Variants in DSTYK observed in about 807,000 individuals in gnomAD.
DSTYK encodes the protein RIP-homologous kinase.
DSTYK carries 34 observed loss-of-function variants against 98.7 expected under a neutral mutation model. The ratio of observed to expected loss-of-function variants is 0.34; its 90% CI spans 0.26 to 0.46. The LOEUF is 0.46. Ranked by LOEUF, DSTYK falls within the 20% of genes least tolerant of loss-of-function variation. DSTYK has a pLI of 1.00. For missense variants in DSTYK, 962 were observed against 1,181.7 expected, an observed-to-expected ratio of 0.81 and a Z score of 2.73; for synonymous variants, 462 against 457.3, an observed-to-expected ratio of 1.01 and a Z score of -0.13.
Position 205,211,344 on chromosome 1 carries a change from G to A in DSTYK, c.192C>T (p.Leu64=), listed in dbSNP as rs199765037. The part of the protein sequence containing the change: ...DIKCSHNHTC[L]SSLTGGGGAE... ...CCCCGCCGCCGCCCGTGAGGGAGGA[G>A]AGACAAGTGTGGTTGTGGGAGCACT... The change falls in exon 1 of 13, where the codon CTC becomes CTT. Residue 64 remains leucine (L), a synonymous_variant. Transcript: ENST00000367162. The A allele has an allele frequency of 4.7e-5, 75 of 1,612,058 alleles. No homozygotes were observed. In the East Asian group the frequency reaches 1.4e-3, roughly 29 times the overall value.
chr1:205,171,549 T>C (rs1170582608), intron 2 of DSTYK, among the ~76,000 whole-genome samples: 1 of 152,058 alleles, frequency 6.6e-6, no homozygotes, highest in African/African-American at 2.4e-5. Flanking sequence ...CCACTTTGTG[T>C]TCTGCTTCTT....
intron 3 of DSTYK, among the ~76,000 whole-genome samples, chr1:205,166,208 G>T (rs1445226887): frequency 2.0e-5 from 3 of 152,126 alleles, no homozygotes; most frequent in Non-Finnish European, 4.4e-5. Flanking sequence ...ATATGGAGAA[G>T]AACTGGGTGG....
At chr1:205,168,782 C>G (rs946822378) in intron 3 of DSTYK, among the ~76,000 whole-genome samples, 2 of 152,252 alleles carry the variant, frequency 1.3e-5, no homozygotes, top group African/African-American at 4.8e-5. Context: ...CAAAAAGAAC[C>G]AATAAAGAGG....
At chr1:205,166,412 G>T (rs997438193) in intron 3 of DSTYK, among the ~76,000 whole-genome samples, 1 of 151,822 alleles carries the variant, frequency 6.6e-6, no homozygotes, top group African/African-American at 2.4e-5. Flanking sequence ...AGCACTTTGT[G>T]GGGGCTGAAG....
In DSTYK at chr1:205,192,659, C is replaced by T. The variant is rs189379313; in HGVS notation, c.266-4853G>A. ...GGTGGATCACCTGAGGTCAGGAGTT[C>T]GAGACCAGCCTAGCCAATATGGTGA... On this transcript the variant is annotated intron_variant, in intron 1 of 12. Transcript: ENST00000367162. Among the ~76,000 whole-genome samples the T allele has an allele frequency of 1.4e-3, 217 of 152,132 alleles. 3 individuals carry two copies. In the East Asian group the frequency reaches 0.015, roughly 10 times the overall value.
intron 1 of DSTYK, among the ~76,000 whole-genome samples, chr1:205,193,809 T>C (rs1658781496): frequency 6.7e-6 from 1 of 149,396 alleles, no homozygotes; most frequent in Non-Finnish European, 1.5e-5. Flanking sequence ...AGGTAGGGGC[T>C]GCAGTGAGCC....
chr1:205,157,171 G>A (rs1657587158), intron 10 of DSTYK, 102 bp downstream of exon 10: 1 of 922,790 alleles, frequency 1.1e-6, no homozygotes, highest in African/African-American at 1.6e-5. Flanking sequence ...TACACTTTCT[G>A]TGAGGACTTT....
chr1:205,210,326 T>C (rs945285855), intron 1 of DSTYK, among the ~76,000 whole-genome samples: 2 of 152,172 alleles, frequency 1.3e-5, no homozygotes, highest in African/African-American at 4.8e-5. Flanking sequence ...GTGAGTTTAA[T>C]ACACACTTTA....
At chr1:205,201,303 G>C (rs1278424655) in intron 1 of DSTYK, among the ~76,000 whole-genome samples, 3 of 148,062 alleles carry the variant, frequency 2.0e-5, no homozygotes, top group Non-Finnish European at 3.0e-5. Context: ...TCCATGATGT[G>C]TTTATTTCAC....
chr1:205,211,216 T>C, intron 1 of DSTYK, 55 bp downstream of exon 1: 1 of 1,529,960 alleles, frequency 6.5e-7, no homozygotes, highest in Non-Finnish European at 8.7e-7. Flanking sequence ...AGGGGTGCGG[T>C]CCGTCCTCCG....
At chr1:205,187,953 A>T in intron 1 of DSTYK, 147 bp from the exon 2 acceptor site, 1 of 773,472 alleles carries the variant, frequency 1.3e-6, no homozygotes, top group South Asian at 2.0e-5. Context: ...TGAAGGACAT[A>T]TCAGGGAAAA....
At chr1:205,210,526 TAAAGA>T (rs1659340346) in intron 1 of DSTYK, among the ~76,000 whole-genome samples, 1 of 152,166 alleles carries the variant, frequency 6.6e-6, no homozygotes, top group South Asian at 2.1e-4. Flanking sequence ...TAGGAAAGAT[TAAAGA>T]CTGCACGATT....
intron 2 of DSTYK, among the ~76,000 whole-genome samples, chr1:205,184,660 C>T (rs1161928682): frequency 6.6e-6 from 1 of 152,024 alleles, no homozygotes; most frequent in South Asian, 2.1e-4. Flanking sequence ...CATTCTATTG[C>T]CCAAGTGTTG....
intron 2 of DSTYK, among the ~76,000 whole-genome samples, chr1:205,178,247 A>C (rs1263601312): frequency 6.6e-6 from 1 of 152,066 alleles, no homozygotes. Context: ...GAGCATGAAG[A>C]CTTTAAGGAT....
Position 205,161,324 on chromosome 1 carries a change from C to A in DSTYK, c.1882G>T (p.Asp628Tyr). Residue 628 changes from aspartate (D) to tyrosine (Y), a missense_variant, in exon 7 of 13, where the codon GAT becomes TAT. Asp to Tyr is a radical substitution (Grantham distance 160). Coordinates refer to ENST00000367162, the MANE Select transcript of DSTYK (RefSeq NM_015375.3). ...TEDLWLRVRK[D>Y]HAPRLARLSL... is the part of the protein sequence containing the mutation. ...AGGCGGGCCAGGCGGGGAGCATGAT[C>A]TTTCCGAACCCTCAGCCATAGATCT... is the stretch of plus-strand genomic sequence containing the variant. 6.2e-7 allele frequency: 1 copy of A among 1,614,214 alleles called. No individual in the cohort carries two copies. The highest frequency in any genetic ancestry group is 8.5e-7 in the Non-Finnish European group (1 of 1,180,020).
intron 2 of DSTYK, among the ~76,000 whole-genome samples, chr1:205,186,585 G>A (rs1348380642): frequency 6.6e-6 from 1 of 152,116 alleles, no homozygotes; most frequent in Non-Finnish European, 1.5e-5. Flanking sequence ...AGTTAACCAA[G>A]AGCAAAACTC....
chr1:205,159,053 T>C lies in DSTYK; in HGVS notation c.2238+494A>G, dbSNP rs538683083. Among the ~76,000 whole-genome samples, 4 of 152,234 alleles carry C rather than the reference T, an allele frequency of 2.6e-5. No individual in the cohort carries two copies. In the South Asian group the frequency reaches 8.3e-4, roughly 32 times the overall value. On this transcript the variant is annotated intron_variant, in intron 9 of 12. Coordinates refer to ENST00000367162, the MANE Select transcript of DSTYK (RefSeq NM_015375.3). ...TGATGACAGTATTCTGGGCATATAA[T>C]GGGGTGAAAATAGGTTCTGATAAAT...
intron 1 of DSTYK, among the ~76,000 whole-genome samples, chr1:205,201,800 C>G (rs751546591): frequency 6.6e-6 from 1 of 152,124 alleles, no homozygotes; most frequent in Admixed American, 6.5e-5. Flanking sequence ...TGGTTCACAC[C>G]GGTAATGCCA....
At position 205,146,323 on chromosome 1, in the gene DSTYK, C is replaced by G. The variant is rs1258663710; in HGVS notation, c.*1235G>C. 1 of 152,144 alleles carries G rather than the reference C, an allele frequency of 6.6e-6. No individual in the cohort carries two copies. The highest frequency in any genetic ancestry group is 1.9e-4 in the East Asian group (1 of 5,188). The allele number at this position is 152,144 out of a possible 1,614,324, so 9.4% of individuals were successfully genotyped here. ...ATCATCTCCCACCTCTCAGTTCTCA[C>G]CCAAATACTTCGCATTGGGTTGGTT... On this transcript the variant is annotated 3_prime_UTR_variant, in exon 13 of 13. Transcript: ENST00000367162.
Sources: gnomAD v4.1 joint callset for allele counts (sites outside exome capture counted in the v4.1 genomes callset) on GRCh38, gnomAD v4.1.1 for gene constraint, MANE v1.5 for transcripts, NCBI Gene and HGNC (gene_info 2026-07-23, HGNC 2026-07-21) for gene names.